The following FGF5 variants were observed in gnomAD, a reference collection of about 807,000 sequenced individuals.
FGF5 encodes fibroblast growth factor 5.
Under a neutral mutation model 21.8 loss-of-function variants are expected in FGF5, and 23 were observed. The ratio of observed to expected loss-of-function variants is 1.05; its 90% CI spans 0.76 to 1.49. The LOEUF is 1.49. FGF5 is among the 40% of genes most tolerant of loss of function. The probability of loss-of-function intolerance (pLI) is 0.00; values close to 1 mark genes in which losing one functional copy is unlikely to be tolerated. For synonymous variants in FGF5, 158 were observed against 124.0 expected (o/e 1.27, Z -1.82); for missense variants, 352 against 332.9 (o/e 1.06, Z -0.45).
intron 2 of FGF5, among the ~76,000 whole-genome samples, chr4:80,276,356 T>C (rs1720410188): frequency 6.6e-6 from 1 of 152,080 alleles, no homozygotes; most frequent in African/African-American, 2.4e-5. Flanking sequence ...CAATTTACCA[T>C]TTCATTTTTT....
intron 1 of FGF5, chr4:80,268,598 G>A (rs996028158): frequency 5.9e-6 from 5 of 847,666 alleles, no homozygotes; most frequent in African/African-American, 1.8e-5. Context: ...AGCCTCCTCC[G>A]GTGGGTTAAG....
At position 80,277,646 on chromosome 4, in the gene FGF5, A is replaced by T. The variant is rs547135945; in HGVS notation, c.459+2634A>T. ...GTTTTGATTTTTACGACTTTACATC[A>T]TCCCCAAAAAAGGTTAAAAACTCAT... On this transcript the variant is annotated intron_variant, in intron 2 of 2. Coordinates refer to ENST00000312465, the MANE Select transcript of FGF5 (RefSeq NM_004464.4). 5.3e-5 allele frequency among the ~76,000 whole-genome samples: 8 copies of T among 152,214 alleles called. No individual in the cohort carries two copies. The South Asian group carries it at 1.7e-3, about 32-fold the overall frequency.
At chr4:80,268,307 C>A in intron 1 of FGF5, 1 of 198,892 alleles carries the variant, frequency 5.0e-6, no homozygotes, top group Non-Finnish European at 9.1e-6. Context: ...GTTGGTCCAC[C>A]AGGCAGAGCC....
intron 2 of FGF5, among the ~76,000 whole-genome samples, chr4:80,284,127 G>A (rs888772522): frequency 2.0e-5 from 3 of 152,108 alleles, no homozygotes; most frequent in Admixed American, 2.0e-4. Flanking sequence ...ATACATAGGT[G>A]GTGATTGTTT....
At chr4:80,277,163 G>A (rs558497281) in intron 2 of FGF5, among the ~76,000 whole-genome samples, 1 of 152,110 alleles carries the variant, frequency 6.6e-6, no homozygotes, top group East Asian at 1.9e-4. Context: ...AGGATGGCTG[G>A]TTGAAATAAT....
At chr4:80,280,687 T>C (rs548742341) in intron 2 of FGF5, among the ~76,000 whole-genome samples, 1 of 152,286 alleles carries the variant, frequency 6.6e-6, no homozygotes, top group Admixed American at 6.5e-5. Context: ...GTGAGTTAAA[T>C]TATATATGTA....
intron 2 of FGF5, among the ~76,000 whole-genome samples, chr4:80,281,695 A>T (rs1231606450): frequency 6.6e-6 from 1 of 152,164 alleles, no homozygotes; most frequent in Non-Finnish European, 1.5e-5. Context: ...CAATCATCAT[A>T]GATGGTGATA....
At chr4:80,279,267 C>T (rs1720492144) in intron 2 of FGF5, among the ~76,000 whole-genome samples, 1 of 152,174 alleles carries the variant, frequency 6.6e-6, no homozygotes, top group South Asian at 2.1e-4. Flanking sequence ...AAATTAAAGT[C>T]ACAATCTATT....
chr4:80,274,392 G>T (rs1286677659), intron 1 of FGF5, among the ~76,000 whole-genome samples: 1 of 151,856 alleles, frequency 6.6e-6, no homozygotes, highest in Admixed American at 6.6e-5. Context: ...GACTGAGTAT[G>T]GTATATGTTT....
chr4:80,286,683 G>T lies in FGF5; in HGVS notation c.*11G>T. The T allele has an allele frequency of 6.2e-7, 1 of 1,603,002 alleles. No individual in the cohort carries two copies. Among genetic ancestry groups the T allele is most frequent in the Middle Eastern group, 1.7e-4 (1 of 6,018 alleles). The stretch of plus-strand genomic sequence containing the variant: ...TTTCGCTTTGGATAATATTCCTCTT[G>T]GCCTTGTGAGAAACCATTCTTTCCC... On this transcript the variant is annotated 3_prime_UTR_variant, in exon 3 of 3. Coordinates refer to ENST00000312465, the MANE Select transcript of FGF5 (RefSeq NM_004464.4).
At chr4:80,269,650 T>A (rs2109916921) in intron 1 of FGF5, among the ~76,000 whole-genome samples, 1 of 152,352 alleles carries the variant, frequency 6.6e-6, no homozygotes, top group South Asian at 2.1e-4. Context: ...TTGTTTACAA[T>A]AACCTTTCAG....
rs749054735 is a variant in FGF5, at chr4:80,266,836, C to T, written c.12C>T (p.Ser4=). The T allele has an allele frequency of 2.3e-5, 37 of 1,590,566 alleles. No homozygotes were observed. Among genetic ancestry groups the T allele is most frequent in the Middle Eastern group, 1.7e-4 (1 of 5,936 alleles). The change falls in exon 1 of 3, where the codon TCC becomes TCT. Residue 4 remains serine (S), a synonymous_variant. Coordinates refer to ENST00000312465, the MANE Select transcript of FGF5 (RefSeq NM_004464.4). ...CCGCGGCTGGAAGAATGAGCTTGTC[C>T]TTCCTCCTCCTCCTCTTCTTCAGCC... MSL[S]FLLLLFFSHL...
intron 2 of FGF5, among the ~76,000 whole-genome samples, chr4:80,285,982 T>G (rs573549712): frequency 6.6e-6 from 1 of 152,162 alleles, no homozygotes; most frequent in Non-Finnish European, 1.5e-5. Context: ...AAAAACAGTA[T>G]GTAAAAAGAT....
chr4:80,290,083 G>C lies in FGF5; in HGVS notation c.*3411G>C, dbSNP rs754301636. On this transcript the variant is annotated 3_prime_UTR_variant, in exon 3 of 3. Transcript: ENST00000312465. The stretch of plus-strand genomic sequence containing the variant: ...ATTTTCAATAACAAAACGAAACTAT[G>C]GCACTAACCAAAAACTTGCATTCTG... 1 of 151,814 alleles carries C rather than the reference G, an allele frequency of 6.6e-6. No individual in the cohort carries two copies. Among genetic ancestry groups the C allele is most frequent in the Non-Finnish European group, 1.5e-5 (1 of 67,962 alleles). 9.4% of individuals were successfully genotyped at this position (151,814 alleles called of 1,614,324 possible). A position where few individuals can be genotyped will look rare whatever the true frequency, so the allele number is the denominator to read the frequency against.
chr4:80,270,916 A>C (rs1255473740), intron 1 of FGF5, among the ~76,000 whole-genome samples: 1 of 152,246 alleles, frequency 6.6e-6, no homozygotes, highest in Non-Finnish European at 1.5e-5. Context: ...TAGATAAATC[A>C]GAATCTATAT....
chr4:80,280,814 T>C (rs989511323), intron 2 of FGF5, among the ~76,000 whole-genome samples: 4 of 152,086 alleles, frequency 2.6e-5, no homozygotes, highest in Non-Finnish European at 4.4e-5. Context: ...TTCAAGGGTA[T>C]CAAAACCACA....
chr4:80,278,848 G>A (rs1720483698), intron 2 of FGF5, among the ~76,000 whole-genome samples: 1 of 152,090 alleles, frequency 6.6e-6, no homozygotes, highest in Non-Finnish European at 1.5e-5. Context: ...ACAAGGATGA[G>A]GATGTATGGT....
chr4:80,279,511 A>G (rs1219820714), intron 2 of FGF5, among the ~76,000 whole-genome samples: 10 of 152,074 alleles, frequency 6.6e-5, no homozygotes, highest in East Asian at 5.8e-4. Flanking sequence ...CTCACGTCCA[A>G]ACTTTGTGTG....
chr4:80,276,750 G>A (rs551721667), intron 2 of FGF5, among the ~76,000 whole-genome samples: 4 of 142,382 alleles, frequency 2.8e-5, no homozygotes, highest in Admixed American at 2.1e-4. Flanking sequence ...GTTCTCACGA[G>A]GGCTGGAAAA....
Sources: gnomAD v4.1 joint callset for allele counts (sites outside exome capture counted in the v4.1 genomes callset) on GRCh38, gnomAD v4.1.1 for gene constraint, MANE v1.5 for transcripts, NCBI Gene and HGNC (gene_info 2026-07-23, HGNC 2026-07-21) for gene names.